Variants in RPSA2 observed in about 807,000 individuals in gnomAD.
The protein encoded by RPSA2 is small ribosomal subunit protein uS2B.
the RPSA2 span, among the ~76,000 whole-genome samples, chr19:23,844,259 C>T: frequency 6.6e-6 from 1 of 152,044 alleles, no homozygotes; most frequent in Non-Finnish European, 1.5e-5. Flanking sequence ...TGTTATTATA[C>T]TTGTCTTTGC....
At chr19:23,848,624 A>G in the RPSA2 span, among the ~76,000 whole-genome samples, 1 of 152,240 alleles carries the variant, frequency 6.6e-6, no homozygotes, top group Non-Finnish European at 1.5e-5. Context: ...ACCATTTCCC[A>G]TGAATGATCA....
At chr19:23,792,171 C>G in the RPSA2 span, among the ~76,000 whole-genome samples, 1 of 152,164 alleles carries the variant, frequency 6.6e-6, no homozygotes, top group Non-Finnish European at 1.5e-5. Context: ...AGTAATATTG[C>G]TGAATTTTTC....
chr19:23,828,877 T>C, the RPSA2 span, among the ~76,000 whole-genome samples: 1 of 152,076 alleles, frequency 6.6e-6, no homozygotes, highest in Non-Finnish European at 1.5e-5. Context: ...TATATTGCTT[T>C]CTGTGTGTTT....
chr19:23,865,484 C>T, the RPSA2 span, among the ~76,000 whole-genome samples: 1 of 152,064 alleles, frequency 6.6e-6, no homozygotes, highest in Non-Finnish European at 1.5e-5. Context: ...GGGTTTGGTT[C>T]GCATGGTCCT....
chr19:23,868,349 G>C, the RPSA2 span, among the ~76,000 whole-genome samples: 1 of 152,264 alleles, frequency 6.6e-6, no homozygotes, highest in Non-Finnish European at 1.5e-5. Flanking sequence ...GTCGCCGTTT[G>C]CTCATATGGA....
chr19:23,796,202 C>T, the RPSA2 span, among the ~76,000 whole-genome samples: 384 of 152,330 alleles, frequency 2.5e-3, no homozygotes, highest in African/African-American at 8.6e-3. Flanking sequence ...AAAGCCTTTT[C>T]AGCATCTATT....
the RPSA2 span, chr19:23,832,913 T>C: frequency 1.9e-6 from 3 of 1,545,776 alleles, no homozygotes; most frequent in Non-Finnish European, 2.6e-6. Context: ...GGCAAATCTT[T>C]TAACCTGTCT....
chr19:23,835,698 GA>G, the RPSA2 span, among the ~76,000 whole-genome samples: 2 of 151,996 alleles, frequency 1.3e-5, no homozygotes, highest in Non-Finnish European at 2.9e-5. Flanking sequence ...GTGCAATGGT[GA>G]GATCTTGGCT....
At chr19:23,775,165 TGA>T in the RPSA2 span, among the ~76,000 whole-genome samples, 2 of 151,922 alleles carry the variant, frequency 1.3e-5, no homozygotes, top group African/African-American at 2.4e-5. Context: ...GCAGAAAACA[TGA>T]GATTGTTTTT....
At chr19:23,863,285 C>G in the RPSA2 span, among the ~76,000 whole-genome samples, 2 of 152,048 alleles carry the variant, frequency 1.3e-5, no homozygotes, top group African/African-American at 4.8e-5. Flanking sequence ...CTAGACAGGC[C>G]AACAGCAGTG....
the RPSA2 span, among the ~76,000 whole-genome samples, chr19:23,859,935 T>C: frequency 6.6e-6 from 1 of 152,196 alleles, no homozygotes; most frequent in Admixed American, 6.5e-5. Flanking sequence ...TATCTAACTT[T>C]TCCATTATGA....
chr19:23,860,401 A>C, the RPSA2 span, among the ~76,000 whole-genome samples: 150,880 of 152,334 alleles, frequency 0.99, 74,736 homozygotes, highest in Middle Eastern at 1. Context: ...ACATTCTTCT[A>C]CTCCACATGG....
chr19:23,832,387 TA>T, the RPSA2 span: 1 of 503,538 alleles, frequency 2.0e-6, no homozygotes. Flanking sequence ...ACAGAAACCC[TA>T]CAAATGTGAA....
chr19:23,825,792 T>C, the RPSA2 span, among the ~76,000 whole-genome samples: 1 of 152,138 alleles, frequency 6.6e-6, no homozygotes, highest in African/African-American at 2.4e-5. Flanking sequence ...TTTCTCCATG[T>C]TGGTCAGGCT....
chr19:23,862,719 A>C, the RPSA2 span, among the ~76,000 whole-genome samples: 148,232 of 151,544 alleles, frequency 0.98, 72,589 homozygotes, highest in Middle Eastern at 1. Context: ...ACCAGCCTTG[A>C]ATCCCAGGTG....
the RPSA2 span, among the ~76,000 whole-genome samples, chr19:23,851,830 T>G: frequency 6.6e-6 from 1 of 152,126 alleles, no homozygotes; most frequent in Non-Finnish European, 1.5e-5. Context: ...AAACAATTTG[T>G]TTTTTGGAAA....
the RPSA2 span, chr19:23,832,407 CA>C: frequency 4.0e-6 from 2 of 505,760 alleles, no homozygotes; most frequent in South Asian, 1.5e-5. Flanking sequence ...AAGAATGTGG[CA>C]AAGCATTAAT....
At chr19:23,795,759 T>C in the RPSA2 span, among the ~76,000 whole-genome samples, 3 of 152,294 alleles carry the variant, frequency 2.0e-5, no homozygotes, top group South Asian at 6.2e-4. Flanking sequence ...TTTTTGAGGA[T>C]GAATGCTTCA....
chr19:23,845,969 T>A, the RPSA2 span, among the ~76,000 whole-genome samples: 1 of 152,214 alleles, frequency 6.6e-6, no homozygotes, highest in East Asian at 1.9e-4. Flanking sequence ...ATTTGCCAGC[T>A]TTCCTATCTC....
Sources: allele counts gnomAD v4.1 joint callset (sites outside exome capture counted in the v4.1 genomes callset), GRCh38; gene constraint gnomAD v4.1.1; transcripts MANE v1.5; gene names NCBI Gene and HGNC (gene_info 2026-07-23, HGNC 2026-07-21).